The following BIRC6 variants were observed in gnomAD, a reference collection of about 807,000 sequenced individuals.
BIRC6 encodes baculoviral IAP repeat containing 6.
In BIRC6, 98 loss-of-function variants were observed where a neutral mutation model predicts 503.3. The observed-to-expected ratio is 0.19, with a 90% CI of 0.17 to 0.23. The LOEUF (loss-of-function observed/expected upper bound fraction) is 0.23, where lower values mean the gene tolerates loss of function less well. BIRC6 is among the 10% of genes least tolerant of loss of function. The pLI is 1.00. For synonymous variants in BIRC6, 2,240 were observed against 2,078.7 expected (o/e 1.08, Z -2.11); for missense variants, 5,360 against 5,806.0 (o/e 0.92, Z 2.50).
chr2:32,479,203 C>T (rs896778537), intron 36 of BIRC6, among the ~76,000 whole-genome samples: 15 of 152,076 alleles, frequency 9.9e-5, no homozygotes, highest in African/African-American at 2.4e-4. Context: ...TATGAATAAG[C>T]GTGTTAATGT....
chr2:32,505,058 G>C lies in BIRC6; in HGVS notation c.9553G>C (p.Ala3185Pro). Residue 3185 changes from alanine (A) to proline (P), a missense_variant, in exon 50 of 74, where the codon GCC becomes CCC. By Grantham distance (27) the Ala-to-Pro change is conservative. This residue lies in a region of BIRC6 where 267 missense variants were observed against 287.6 expected (regional missense o/e 0.93). Transcript: ENST00000421745. The part of the protein sequence containing the change: ...TAQPAEVLLQ[A>P]TPPHRRARSA... ...CCAACCAGCTGAAGTGCTATTGCAG[G>C]CCACACCTCCTCACAGAAGAGCTCG... 6.2e-7 allele frequency: 1 copy of C among 1,613,710 alleles called. No homozygotes were observed. The highest frequency in any genetic ancestry group is 8.5e-7 in the Non-Finnish European group (1 of 1,179,790).
In BIRC6 at chr2:32,544,088, G is replaced by A. The variant is rs533617778; in HGVS notation, c.12592+547G>A. Among the ~76,000 whole-genome samples the A allele has an allele frequency of 7.9e-5, 12 of 152,212 alleles. No homozygotes were observed. In the South Asian group the frequency reaches 2.5e-3, roughly 32 times the overall value. On this transcript the variant is annotated intron_variant, in intron 62 of 73. Transcript: ENST00000421745. Reference sequence around the variant, plus strand: ...TGTTTTGAGGTTAAAATGTATGAGAGGGGATAAGTTAGCAGATGAAAATTT... The same window carrying A: ...TGTTTTGAGGTTAAAATGTATGAGAAGGGATAAGTTAGCAGATGAAAATTT...
chr2:32,377,213 A>ATGTGTG (rs59912267), intron 1 of BIRC6, among the ~76,000 whole-genome samples: 1,634 of 144,248 alleles, frequency 0.011, 12 homozygotes, highest in Non-Finnish European at 0.014. Flanking sequence ...CTTAATATAT[A>ATGTGTG]TGTGTGTGTG....
chr2:32,464,278 C>T (rs1211812265), intron 24 of BIRC6, among the ~76,000 whole-genome samples: 2 of 152,126 alleles, frequency 1.3e-5, no homozygotes. Context: ...TTCACCACTA[C>T]CTTGAAAGAG....
At chr2:32,605,147 T>C (rs1299706541) in intron 71 of BIRC6, among the ~76,000 whole-genome samples, 1 of 152,132 alleles carries the variant, frequency 6.6e-6, no homozygotes, top group East Asian at 1.9e-4. Context: ...CCTCCCAAAG[T>C]GTTAGGATTA....
At chr2:32,612,502 G>A (rs566948401) in intron 73 of BIRC6, among the ~76,000 whole-genome samples, 2 of 152,026 alleles carry the variant, frequency 1.3e-5, no homozygotes, top group South Asian at 4.2e-4. Flanking sequence ...CTACTGGCTT[G>A]TTATCTTCTA....
At chr2:32,490,847 A>G (rs773800261) in intron 43 of BIRC6, among the ~76,000 whole-genome samples, 2 of 152,178 alleles carry the variant, frequency 1.3e-5, no homozygotes, top group African/African-American at 2.4e-5. Context: ...AATTTAAATC[A>G]TTGCTTAGCT....
Position 32,532,134 on chromosome 2 carries a change from CGTGT to C in BIRC6, c.12291+617_12291+620del, listed in dbSNP as rs138437601. 2.5e-3 allele frequency: 1,135 copies of C among 449,792 alleles called. 2 individuals carry two copies. In the East Asian group the frequency reaches 0.028, roughly 11 times the overall value. The allele number at this position is 449,792 out of a possible 1,614,324, so 27.9% of individuals were successfully genotyped here. ...GGAATTATTCTCTTTGATTTCATGT[CGTGT>C]GTGTGTGTGTGTGTGTGTGTGTGTG... is the stretch of plus-strand genomic sequence containing the variant. On this transcript the variant is annotated intron_variant, in intron 61 of 73. Transcript: ENST00000421745.
intron 22 of BIRC6, among the ~76,000 whole-genome samples, chr2:32,452,142 CAT>C (rs1558765289): frequency 6.6e-6 from 1 of 152,118 alleles, no homozygotes; most frequent in Non-Finnish European, 1.5e-5. Context: ...TTTCCAACTA[CAT>C]ATTTGTGTTG....
At chr2:32,419,101 A>G (rs975913200) in intron 10 of BIRC6, among the ~76,000 whole-genome samples, 1 of 152,242 alleles carries the variant, frequency 6.6e-6, no homozygotes, top group Non-Finnish European at 1.5e-5. Flanking sequence ...TTGCTTTCAA[A>G]ATGAGCTCCT....
chr2:32,430,756 G>A, intron 11 of BIRC6, 109 bp from the exon 12 acceptor site: 1 of 760,650 alleles, frequency 1.3e-6, no homozygotes, highest in South Asian at 1.9e-5. Flanking sequence ...TTTGGCAAGT[G>A]TTGCAATAGA....
At chr2:32,500,923 G>A (rs750981789) in intron 46 of BIRC6, among the ~76,000 whole-genome samples, 11 of 151,404 alleles carry the variant, frequency 7.3e-5, no homozygotes, top group Non-Finnish European at 1.5e-4. Context: ...TTTTTGTACA[G>A]ACGGGATTTC....
At chr2:32,524,252 A>G (rs1047208843) in intron 57 of BIRC6, among the ~76,000 whole-genome samples, 1 of 152,230 alleles carries the variant, frequency 6.6e-6, no homozygotes, top group African/African-American at 2.4e-5. Flanking sequence ...GAGAGCCCTT[A>G]ATACTCATTT....
At chr2:32,410,761 C>T (rs954343368) in intron 9 of BIRC6, among the ~76,000 whole-genome samples, 4 of 150,966 alleles carry the variant, frequency 2.6e-5, no homozygotes, top group African/African-American at 9.8e-5. Context: ...AGTGCAGTGG[C>T]GCGATCTCGG....
intron 4 of BIRC6, among the ~76,000 whole-genome samples, chr2:32,389,765 T>C (rs2149529880): frequency 6.6e-6 from 1 of 152,282 alleles, no homozygotes; most frequent in South Asian, 2.1e-4. Flanking sequence ...GGCACAATCT[T>C]GGCTCACTGC....
intron 36 of BIRC6, 28 bp downstream of exon 36, chr2:32,478,846 A>T: frequency 6.2e-7 from 1 of 1,602,136 alleles, no homozygotes. Flanking sequence ...TTCATAGAGT[A>T]TGTCAAAATT....
intron 66 of BIRC6, among the ~76,000 whole-genome samples, chr2:32,576,257 A>G (rs572405719): frequency 1.3e-5 from 2 of 152,228 alleles, no homozygotes. Flanking sequence ...TGGAATTAAA[A>G]TAAGTCTTAA....
chr2:32,529,712 A>G lies in BIRC6; in HGVS notation c.11982A>G (p.Lys3994=), dbSNP rs2149989972. 1 of 1,613,488 alleles carries G rather than the reference A, an allele frequency of 6.2e-7. No homozygotes were observed. The change falls in exon 60 of 74, where the codon AAA becomes AAG. Residue 3994 remains lysine (K), a synonymous_variant. Transcript: ENST00000421745. Reference sequence around the variant, plus strand: ...TTTTAACTCTCCTATATGACCGAAAACTTCCTCAGGGTTACCGCTCAATAG... The same window carrying G: ...TTTTAACTCTCCTATATGACCGAAAGCTTCCTCAGGGTTACCGCTCAATAG... ...AQLLTLLYDR[K]LPQGYRSIDL...
At chr2:32,481,579 A>G (rs980052551) in intron 38 of BIRC6, 126 bp downstream of exon 38, 4 of 694,726 alleles carry the variant, frequency 5.8e-6, no homozygotes, top group Admixed American at 4.2e-5. Context: ...ATCCTGGCCA[A>G]CATAGTGAAA....
Sources: allele counts gnomAD v4.1 joint callset (sites outside exome capture counted in the v4.1 genomes callset), GRCh38; gene constraint gnomAD v4.1.1; regional missense constraint gnomAD v4.1.1; transcripts MANE v1.5; gene names NCBI Gene and HGNC (gene_info 2026-07-23, HGNC 2026-07-21).